Variants in UNC13B observed in about 807,000 individuals in gnomAD.
The protein encoded by UNC13B is unc-13 homolog B, also known as protein unc-13 homolog B.
A neutral mutation model predicts 211.0 loss-of-function variants in UNC13B; 144 were observed. The observed-to-expected ratio is 0.68, with a 90% CI of 0.60 to 0.78. UNC13B has a LOEUF of 0.78. UNC13B is among the 30% of genes least tolerant of loss of function. UNC13B has a pLI of 0.00. For synonymous variants in UNC13B, 709 were observed against 725.8 expected (o/e 0.98, Z 0.37); for missense variants, 1,777 against 2,002.0 (o/e 0.89, Z 2.14).
At chr9:35,361,171 G>A (rs1201824831) in intron 11 of UNC13B, 2 of 152,198 alleles carry the variant, frequency 1.3e-5, no homozygotes, top group African/African-American at 4.8e-5. Flanking sequence ...GAGGAGGTAT[G>A]TCACTTCCTT....
chr9:35,386,337 T>G, intron 24 of UNC13B, 44 bp downstream of exon 24: 1 of 1,611,054 alleles, frequency 6.2e-7, no homozygotes, highest in Non-Finnish European at 8.5e-7. Context: ...CAGTGGCTCT[T>G]TGGAGCCTCA....
chr9:35,266,160 C>G (rs1158732869), intron 7 of UNC13B, among the ~76,000 whole-genome samples: 1 of 152,140 alleles, frequency 6.6e-6, no homozygotes, highest in Admixed American at 6.6e-5. Flanking sequence ...TGGAAGTCAT[C>G]CCACTGTTAA....
intron 1 of UNC13B, among the ~76,000 whole-genome samples, chr9:35,202,267 C>G (rs1289732414): frequency 1.3e-5 from 2 of 152,088 alleles, no homozygotes; most frequent in Non-Finnish European, 2.9e-5. Context: ...AACATGTGGT[C>G]ACTTTTGGAA....
At chr9:35,368,065 T>A (rs1362715167) in intron 12 of UNC13B, among the ~76,000 whole-genome samples, 5 of 152,124 alleles carry the variant, frequency 3.3e-5, no homozygotes, top group Non-Finnish European at 5.9e-5. Flanking sequence ...AAAAAAAAAT[T>A]TTTTTTAACT....
At chr9:35,186,003 G>C (rs1417129530) in intron 1 of UNC13B, among the ~76,000 whole-genome samples, 1 of 151,314 alleles carries the variant, frequency 6.6e-6, no homozygotes. Flanking sequence ...TCCCCCCTTG[G>C]CCAAGGGAAA....
chr9:35,375,628 G>A (rs1035204620), intron 14 of UNC13B, among the ~76,000 whole-genome samples: 8 of 152,196 alleles, frequency 5.3e-5, no homozygotes, highest in Non-Finnish European at 7.3e-5. Context: ...GAGGAGACAC[G>A]AAATCAAGGT....
chr9:35,349,109 G>C (rs1316519389), intron 11 of UNC13B, among the ~76,000 whole-genome samples: 1 of 152,010 alleles, frequency 6.6e-6, no homozygotes, highest in Non-Finnish European at 1.5e-5. Context: ...ATAGAGAGGG[G>C]GTTTCACCAT....
chr9:35,224,608 G>C (rs1470686275), intron 1 of UNC13B, among the ~76,000 whole-genome samples: 1 of 152,128 alleles, frequency 6.6e-6, no homozygotes, highest in Non-Finnish European at 1.5e-5. Context: ...CTTTTCCAGT[G>C]TGGTTGCCTT....
intron 2 of UNC13B, 93 bp from the exon 3 acceptor site, chr9:35,231,027 T>C: frequency 1.2e-6 from 1 of 802,632 alleles, no homozygotes; most frequent in Admixed American, 2.6e-5. Context: ...ATGTAATACT[T>C]TAATTTCTAT....
At position 35,381,536 on chromosome 9, in the gene UNC13B, C is replaced by G; in HGVS notation, c.10492-20C>G. ...CATATGTGTTTAACCCATTCCCTTT[C>G]TCTGCTCTGTCTCCTGCAGAATCTT... is the stretch of plus-strand genomic sequence containing the variant. On this transcript the variant is annotated intron_variant, in intron 19 of 39. Coordinates refer to ENST00000635942, the MANE Select transcript of UNC13B (RefSeq NM_001371189.2). 6.2e-7 allele frequency: 1 copy of G among 1,606,204 alleles called. No homozygotes were observed. Among genetic ancestry groups the G allele is most frequent in the Non-Finnish European group, 8.5e-7 (1 of 1,174,868 alleles).
chr9:35,377,644 C>T lies in UNC13B; in HGVS notation c.10012C>T (p.Gln3338Ter). ...AHVQQMKTVK[Q>*]SVLDGTSKWS... ...TGTGCAGCAGATGAAAACAGTGAAG[C>T]AGAGTGTACTGGATGGCACCTCCAA... The change falls in exon 16 of 40, where the codon CAG (glutamine) becomes TAG (stop). Residue 3338 changes from glutamine to a stop codon, truncating the protein, a stop_gained. Transcript: ENST00000635942. LOFTEE classifies it high-confidence loss of function. The T allele has an allele frequency of 6.2e-7, 1 of 1,614,162 alleles. No individual in the cohort carries two copies. The highest frequency in any genetic ancestry group is 8.5e-7 in the Non-Finnish European group (1 of 1,180,038).
chr9:35,397,124 G>A (rs190875172), intron 28 of UNC13B, 43 bp from the exon 29 acceptor site: 2 of 1,610,062 alleles, frequency 1.2e-6, no homozygotes, highest in East Asian at 4.5e-5. Context: ...CTTGGGAAAA[G>A]ATAGCAGCTG....
chr9:35,243,439 G>A, intron 6 of UNC13B, 75 bp downstream of exon 6: 1 of 1,452,058 alleles, frequency 6.9e-7, no homozygotes, highest in South Asian at 1.2e-5. Flanking sequence ...GCCCAGGGAG[G>A]GGCCCAAGAG....
At chr9:35,224,963 G>A (rs867227340) in intron 1 of UNC13B, among the ~76,000 whole-genome samples, 6 of 151,306 alleles carry the variant, frequency 4.0e-5, no homozygotes, top group Non-Finnish European at 5.9e-5. Flanking sequence ...TAGAAAAGGC[G>A]TTTGATAAAA....
intron 8 of UNC13B, among the ~76,000 whole-genome samples, chr9:35,297,790 T>C (rs547496003): frequency 2.2e-4 from 34 of 151,284 alleles, no homozygotes; most frequent in Non-Finnish European, 4.4e-4. Flanking sequence ...ACCTCGTGAT[T>C]CACCCACCTC....
chr9:35,258,415 G>A (rs1242996157), intron 6 of UNC13B, among the ~76,000 whole-genome samples: 2 of 152,090 alleles, frequency 1.3e-5, no homozygotes, highest in African/African-American at 4.8e-5. Context: ...CTTCAGTACC[G>A]TGTACTTGTT....
chr9:35,179,527 G>A (rs866018126), intron 1 of UNC13B, among the ~76,000 whole-genome samples: 60 of 152,024 alleles, frequency 3.9e-4, no homozygotes, highest in South Asian at 1.9e-3. Context: ...GCAGTGGCTC[G>A]CTCCTGTAAT....
At chr9:35,225,282 C>T (rs377642320) in intron 1 of UNC13B, among the ~76,000 whole-genome samples, 212 of 152,082 alleles carry the variant, frequency 1.4e-3, no homozygotes, top group African/African-American at 4.8e-3. Context: ...CACCCCAGCC[C>T]CCCGAGTAGC....
At chr9:35,225,917 G>A (rs750589433) in intron 1 of UNC13B, among the ~76,000 whole-genome samples, 12 of 152,064 alleles carry the variant, frequency 7.9e-5, no homozygotes, top group Non-Finnish European at 1.8e-4. Flanking sequence ...TGGCAGCAGT[G>A]GTGCGCCAGT....
Sources: allele counts gnomAD v4.1 joint callset (sites outside exome capture counted in the v4.1 genomes callset), GRCh38; gene constraint gnomAD v4.1.1; transcripts MANE v1.5; gene names NCBI Gene and HGNC (gene_info 2026-07-23, HGNC 2026-07-21).